The following SYNE1 variants were observed in gnomAD, a reference collection of about 807,000 sequenced individuals.
SYNE1 encodes the protein spectrin repeat containing nuclear envelope protein 1.
A neutral mutation model predicts 1,111.0 loss-of-function variants in SYNE1; 616 were observed. The ratio of observed to expected loss-of-function variants is 0.55; its 90% CI spans 0.52 to 0.59. SYNE1 has a LOEUF of 0.59. SYNE1 is among the 20% of genes least tolerant of loss of function. The pLI is 0.00. For synonymous variants in SYNE1, 3,855 were observed against 3,825.8 expected (o/e 1.01, Z -0.28); for missense variants, 10,006 against 10,417.0 (o/e 0.96, Z 1.72).
Position 152,155,022 on chromosome 6 carries a change from A to C in SYNE1, c.23999T>G (p.Leu8000Trp). 1 of 1,614,158 alleles carries C rather than the reference A, an allele frequency of 6.2e-7. No individual in the cohort carries two copies. The highest frequency in any genetic ancestry group is 8.5e-7 in the Non-Finnish European group (1 of 1,180,006). ...ATAGTCATCCAGAAATTTCTGCCACAATCGCCACGTCTCTTCGATTCTGGG... is the reference window on the plus strand; with the variant it reads ...ATAGTCATCCAGAAATTTCTGCCACCATCGCCACGTCTCTTCGATTCTGGG... ...RRLKIEETWR[L>W]WQKFLDDYSR... Residue 8000 changes from leucine (L) to tryptophan (W), a missense_variant, in exon 133 of 146, where the codon TTG becomes TGG. Coordinates refer to ENST00000367255, the MANE Select transcript of SYNE1 (RefSeq NM_182961.4).
At chr6:152,547,080 C>G (rs943867237) in intron 3 of SYNE1, 1 of 152,232 alleles carries the variant, frequency 6.6e-6, no homozygotes, top group Non-Finnish European at 1.5e-5. Context: ...CCAACTGATA[C>G]CCCACCAGCA....
intron 3 of SYNE1, 95 bp from the exon 4 acceptor site, chr6:152,540,116 T>C: frequency 7.9e-7 from 1 of 1,265,500 alleles, no homozygotes; most frequent in Non-Finnish European, 1.1e-6. Flanking sequence ...GAAGGAATCG[T>C]GAAATCGTTT....
At chr6:152,434,057 C>T in intron 33 of SYNE1, 112 bp from the exon 34 acceptor site, 1 of 1,046,884 alleles carries the variant, frequency 9.6e-7, no homozygotes, top group Non-Finnish European at 1.4e-6. Context: ...GTGACCATTT[C>T]AAAGTTGAAA....
chr6:152,471,670 T>C lies in SYNE1; in HGVS notation c.1559A>G (p.Glu520Gly). ...AATGATCCAAGACTTCAGCTTTGAC[T>C]CTGCAAGAACCAGCAGTGAGAGCAG... ...YRLLSLLVLA[E>G]SKLKSWIIKY... The change falls in exon 16 of 146, where the codon GAG becomes GGG. Residue 520 changes from glutamate to glycine, a missense_variant. Physicochemically the swap from Glu to Gly is moderately conservative, Grantham distance 98. Around this residue, in one of 7 missense-constraint regions of SYNE1, gnomAD observed 1,971 missense variants for 2,084.1 expected, o/e 0.95. Coordinates refer to ENST00000367255, the MANE Select transcript of SYNE1 (RefSeq NM_182961.4). The C allele has an allele frequency of 6.2e-7, 1 of 1,614,034 alleles. No homozygotes were observed. The highest frequency in any genetic ancestry group is 8.5e-7 in the Non-Finnish European group (1 of 1,179,896).
chr6:152,133,658 G>C, intron 142 of SYNE1, 170 bp from the exon 143 acceptor site: 1 of 666,260 alleles, frequency 1.5e-6, no homozygotes, highest in Non-Finnish European at 2.6e-6. Context: ...TTCTAATCCT[G>C]CCTCTGCCAA....
At chr6:152,189,532 A>C (rs1029391234) in intron 127 of SYNE1, 125 bp from the exon 128 acceptor site, 13 of 850,194 alleles carry the variant, frequency 1.5e-5, no homozygotes, top group Non-Finnish European at 2.4e-5. Context: ...CTAACTTGGG[A>C]TCTAGAGGCA....
intron 59 of SYNE1, among the ~76,000 whole-genome samples, chr6:152,372,606 T>C (rs1445914250): frequency 6.6e-6 from 1 of 152,246 alleles, no homozygotes; most frequent in Non-Finnish European, 1.5e-5. Context: ...TGTTTCTGCA[T>C]ACTTAATGCC....
At chr6:152,155,531 C>T in intron 132 of SYNE1, 1 of 340,792 alleles carries the variant, frequency 2.9e-6, no homozygotes, top group Non-Finnish European at 5.6e-6. Context: ...TGTAACACAG[C>T]ACGATTTTCT....
intron 119 of SYNE1, 89 bp downstream of exon 119, chr6:152,220,753 A>G: frequency 8.3e-7 from 1 of 1,211,636 alleles, no homozygotes; most frequent in East Asian, 2.3e-5. Flanking sequence ...TCACATAGAA[A>G]GACATACCAA....
chr6:152,331,054 T>G lies in SYNE1; in HGVS notation c.13631A>C (p.Asp4544Ala), dbSNP rs149081144. 1.1e-5 allele frequency: 17 copies of G among 1,614,182 alleles called. No individual in the cohort carries two copies. The African/African-American group carries it at 2.1e-4, about 20-fold the overall frequency. Reference protein sequence around the residue: ...GKLQELQSVYDSVLQKCSHRL... With the variant: ...GKLQELQSVYASVLQKCSHRL... Reference sequence around the variant, plus strand: ...GTGACTGCACTTTTGTAAAACACTGTCATAGACACTCTGCAATTCCTGAAG... The same window carrying G: ...GTGACTGCACTTTTGTAAAACACTGGCATAGACACTCTGCAATTCCTGAAG... The change falls in exon 78 of 146, where the codon GAC becomes GCC. Residue 4544 changes from aspartate to alanine, a missense_variant. By Grantham distance (126) the Asp-to-Ala change is moderately radical. Coordinates refer to ENST00000367255, the MANE Select transcript of SYNE1 (RefSeq NM_182961.4).
Position 152,152,030 on chromosome 6 carries a change from T to A in SYNE1, c.24241A>T (p.Met8081Leu). Residue 8081 changes from methionine (M) to leucine (L), a missense_variant, in exon 134 of 146, where the codon ATG (methionine) becomes TTG (leucine). Coordinates refer to ENST00000367255, the MANE Select transcript of SYNE1 (RefSeq NM_182961.4). ...RTDSACSLKQ[M>L]VHEGNQRWDN... Reference sequence around the variant, plus strand: ...CATCTCTGGTTGCCTTCGTGAACCATCTGTTTGAGGCTACATGCTGAATCA... The same window carrying A: ...CATCTCTGGTTGCCTTCGTGAACCAACTGTTTGAGGCTACATGCTGAATCA... The A allele has an allele frequency of 6.2e-7, 1 of 1,614,154 alleles. No individual in the cohort carries two copies. The highest frequency in any genetic ancestry group is 8.5e-7 in the Non-Finnish European group (1 of 1,180,046).
At chr6:152,382,968 G>A (rs1053140805) in intron 55 of SYNE1, among the ~76,000 whole-genome samples, 4 of 152,010 alleles carry the variant, frequency 2.6e-5, no homozygotes, top group African/African-American at 2.4e-5. Flanking sequence ...GTACATTCCC[G>A]CCCTCACACC....
intron 74 of SYNE1, among the ~76,000 whole-genome samples, chr6:152,340,296 G>T (rs1166977678): frequency 6.6e-6 from 1 of 152,176 alleles, no homozygotes; most frequent in Non-Finnish European, 1.5e-5. Flanking sequence ...GTGAGCAGAG[G>T]TCGGAGGGTG....
intron 16 of SYNE1, among the ~76,000 whole-genome samples, chr6:152,470,222 G>T (rs911859541): frequency 3.9e-5 from 6 of 152,240 alleles, no homozygotes; most frequent in African/African-American, 1.4e-4. Flanking sequence ...GAGAAAAAGA[G>T]AATTATTAAT....
intron 56 of SYNE1, among the ~76,000 whole-genome samples, chr6:152,377,226 A>G (rs2154104894): frequency 6.6e-6 from 1 of 152,324 alleles, no homozygotes; most frequent in Admixed American, 6.5e-5. Flanking sequence ...GTCTATAAAT[A>G]GTTGGACTAG....
intron 33 of SYNE1, 146 bp from the exon 34 acceptor site, chr6:152,434,091 GCA>G (rs1320360604): frequency 5.5e-6 from 4 of 724,778 alleles, no homozygotes; most frequent in Non-Finnish European, 8.9e-6. Context: ...AAAAAAAATT[GCA>G]CAGTTGTTCT....
At chr6:152,441,909 T>C (rs1018487653) in intron 31 of SYNE1, among the ~76,000 whole-genome samples, 166 bp downstream of exon 31, 2 of 152,152 alleles carry the variant, frequency 1.3e-5, no homozygotes, top group Non-Finnish European at 2.9e-5. Flanking sequence ...CCAATATCCA[T>C]CTCTAAGGCT....
intron 95 of SYNE1, among the ~76,000 whole-genome samples, chr6:152,286,771 C>T (rs898672195): frequency 4.6e-5 from 7 of 152,058 alleles, no homozygotes; most frequent in Admixed American, 1.3e-4. Context: ...TTTCCCTTAA[C>T]GGGAAGAGAC....
In SYNE1 at chr6:152,428,301, T is replaced by A; in HGVS notation, c.4880A>T (p.Gln1627Leu). 1 of 1,614,154 alleles carries A rather than the reference T, an allele frequency of 6.2e-7. No individual in the cohort carries two copies. Among genetic ancestry groups the A allele is most frequent in the Non-Finnish European group, 8.5e-7 (1 of 1,180,026 alleles). The change falls in exon 37 of 146, where the codon CAG becomes CTG. Residue 1627 changes from glutamine to leucine, a missense_variant. Physicochemically the swap from Gln to Leu is moderately radical, Grantham distance 113. Coordinates refer to ENST00000367255, the MANE Select transcript of SYNE1 (RefSeq NM_182961.4). Reference protein sequence around the residue: ...RKVVNRDSCVQEAAALQQQYE... With the variant: ...RKVVNRDSCVLEAAALQQQYE... ...TTGCTGCTGTAGAGCCGCAGCCTCC[T>A]GAACACAGGAATCTCTGTTCACAAC...
Sources: allele counts gnomAD v4.1 joint callset (sites outside exome capture counted in the v4.1 genomes callset), GRCh38; gene constraint gnomAD v4.1.1; regional missense constraint gnomAD v4.1.1; transcripts MANE v1.5; gene names NCBI Gene and HGNC (gene_info 2026-07-23, HGNC 2026-07-21).